ZNF507: variants seen among roughly 807,000 people sequenced by gnomAD.
ZNF507 encodes the protein zinc finger protein 507.
A neutral mutation model predicts 80.0 loss-of-function variants in ZNF507; 29 were observed. The ratio of observed to expected loss-of-function variants is 0.36; its 90% CI spans 0.27 to 0.49. The LOEUF is 0.49. Among genes scored for constraint, ZNF507 ranks in the 20% least tolerant of loss-of-function variants. The pLI, the probability that ZNF507 is intolerant of heterozygous loss-of-function variation, is 0.98. For missense variants in ZNF507, 1,081 were observed against 1,152.2 expected (o/e 0.94, Z 0.90); for synonymous variants, 462 against 422.5 (o/e 1.09, Z -1.15).
chr19:32,371,695 A>G (rs1337886005), intron 5 of ZNF507, among the ~76,000 whole-genome samples: 5 of 144,680 alleles, frequency 3.5e-5, no homozygotes, highest in African/African-American at 5.1e-5. Context: ...GCTGGAGTGC[A>G]GTGGCGTGAT....
intron 5 of ZNF507, among the ~76,000 whole-genome samples, chr19:32,380,319 G>A (rs1479050201): frequency 6.6e-6 from 1 of 151,976 alleles, no homozygotes; most frequent in Non-Finnish European, 1.5e-5. Flanking sequence ...TTCCACCACT[G>A]CACTCAAGCC....
intron 5 of ZNF507, among the ~76,000 whole-genome samples, chr19:32,365,554 A>G (rs924377201): frequency 6.6e-6 from 1 of 152,108 alleles, no homozygotes; most frequent in Non-Finnish European, 1.5e-5. Flanking sequence ...ATTGGCCCCA[A>G]AGTTTTACTG....
chr19:32,378,331 C>T (rs1375426696), intron 5 of ZNF507, among the ~76,000 whole-genome samples: 2 of 151,960 alleles, frequency 1.3e-5, no homozygotes, highest in Admixed American at 6.6e-5. Context: ...CCAGCCTGGG[C>T]GCCAGAGTGA....
At chr19:32,352,396 G>A (rs1333900237) in intron 2 of ZNF507, among the ~76,000 whole-genome samples, 1 of 151,990 alleles carries the variant, frequency 6.6e-6, no homozygotes, top group East Asian at 1.9e-4. Flanking sequence ...TGGCTTTACA[G>A]AGTGATGTTT....
chr19:32,358,262 A>G (rs1967277400), intron 4 of ZNF507: 2 of 152,240 alleles, frequency 1.3e-5, no homozygotes, highest in Non-Finnish European at 2.9e-5. Context: ...TTGTCAGGCC[A>G]AAGAAAAAAT....
rs1260304963 is a variant in ZNF507, at chr19:32,382,978, A to G, written c.2757A>G (p.Glu919=). 2 of 1,614,148 alleles carry G rather than the reference A, an allele frequency of 1.2e-6. No individual in the cohort carries two copies. The highest frequency in any genetic ancestry group is 1.1e-5 in the South Asian group (1 of 91,080). The change falls in exon 7 of 7, where the codon GAA becomes GAG. Residue 919 remains glutamate (E), a synonymous_variant. Coordinates refer to ENST00000355898, the MANE Select transcript of ZNF507 (RefSeq NM_001136156.2). ...LLFCCCICGF[E]STSKENLLDH... is the part of the protein sequence containing the mutation. ...TCTGCTGTTGTATTTGTGGTTTTGA[A>G]TCAACCAGCAAAGAAAACCTCTTGG... is the stretch of plus-strand genomic sequence containing the variant.
In ZNF507 at chr19:32,383,040, TC is replaced by T. The variant is rs1483795007; in HGVS notation, c.2820del (p.Ile941SerfsTer2). On this transcript the variant is annotated frameshift_variant, in exon 7 of 7. Coordinates refer to ENST00000355898, the MANE Select transcript of ZNF507 (RefSeq NM_001136156.2). LOFTEE classifies it high-confidence loss of function. ...GAGCACGAGGGTGAAATTGTAAACA[TC>T]ATCCTGAATAAGGACCACAATACAG... The part of the protein sequence containing the change: ...MKEHEGEIVN[I>X]ILNKDHNTAL... 1.2e-5 allele frequency: 19 copies of T among 1,613,944 alleles called. No homozygotes were observed. The Admixed American group carries it at 2.8e-4, about 24-fold the overall frequency.
chr19:32,352,737 A>G (rs1388377142), intron 2 of ZNF507, 92 bp from the exon 3 acceptor site: 1 of 1,136,580 alleles, frequency 8.8e-7, no homozygotes, highest in Non-Finnish European at 1.2e-6. Context: ...AGATGAGATT[A>G]CAGACACTAA....
chr19:32,348,167 G>A (rs891210573), intron 2 of ZNF507, among the ~76,000 whole-genome samples: 8 of 152,124 alleles, frequency 5.3e-5, no homozygotes, highest in Non-Finnish European at 1.0e-4. Flanking sequence ...AGCTAATTGA[G>A]GGCACTTTAG....
At chr19:32,376,276 T>C (rs1967545591) in intron 5 of ZNF507, among the ~76,000 whole-genome samples, 1 of 152,150 alleles carries the variant, frequency 6.6e-6, no homozygotes, top group African/African-American at 2.4e-5. Flanking sequence ...TTTTTTTTCC[T>C]ATATATTTCT....
In ZNF507 at chr19:32,354,696, T is replaced by C. The variant is rs779233146; in HGVS notation, c.1866T>C (p.Asp622=). 1 of 1,614,176 alleles carries C rather than the reference T, an allele frequency of 6.2e-7. No individual in the cohort carries two copies. Among genetic ancestry groups the C allele is most frequent in the Non-Finnish European group, 8.5e-7 (1 of 1,180,034 alleles). The change falls in exon 3 of 7, where the codon GAT becomes GAC. Residue 622 remains aspartate, a synonymous_variant. Coordinates refer to ENST00000355898, the MANE Select transcript of ZNF507 (RefSeq NM_001136156.2). Reference sequence around the variant, plus strand: ...ACGCCCAGTGCCAACCCAACAGCGATACAAGTTTGTCCGGAAACAATGTGG... The same window carrying C: ...ACGCCCAGTGCCAACCCAACAGCGACACAAGTTTGTCCGGAAACAATGTGG... The part of the protein sequence containing the change: ...QDNAQCQPNS[D]TSLSGNNVVE...
At chr19:32,370,589 C>T (rs1016242998) in intron 5 of ZNF507, among the ~76,000 whole-genome samples, 4 of 152,122 alleles carry the variant, frequency 2.6e-5, no homozygotes, top group African/African-American at 9.7e-5. Context: ...ATTTGTCCTT[C>T]TGCTATTGAG....
chr19:32,348,440 C>A, intron 2 of ZNF507, among the ~76,000 whole-genome samples: 1 of 152,120 alleles, frequency 6.6e-6, no homozygotes. Context: ...AATTGTTCAA[C>A]TTGATTTTAC....
At chr19:32,351,875 C>G (rs1201903277) in intron 2 of ZNF507, among the ~76,000 whole-genome samples, 1 of 152,118 alleles carries the variant, frequency 6.6e-6, no homozygotes, top group Admixed American at 6.5e-5. Flanking sequence ...AATGAAAGTA[C>G]TGCCAGGAAA....
chr19:32,355,294 G>T (rs920568095), intron 3 of ZNF507, among the ~76,000 whole-genome samples: 2 of 152,108 alleles, frequency 1.3e-5, no homozygotes, highest in African/African-American at 4.8e-5. Context: ...ACATACGTTT[G>T]ACTTAAACAA....
At position 32,383,170 on chromosome 19, in the gene ZNF507, A is replaced by G; in HGVS notation, c.*87A>G. 1 of 1,490,904 alleles carries G rather than the reference A, an allele frequency of 6.7e-7. No homozygotes were observed. Among genetic ancestry groups the G allele is most frequent in the Non-Finnish European group, 9.0e-7 (1 of 1,112,572 alleles). 92.4% of individuals were successfully genotyped at this position (1,490,904 alleles called of 1,614,324 possible). A position where few individuals can be genotyped will look rare whatever the true frequency, so the allele number is the denominator to read the frequency against. On this transcript the variant is annotated 3_prime_UTR_variant, in exon 7 of 7. Transcript: ENST00000355898. ...TTACGCTGTCAGACAACTTCCTGCC[A>G]CAGAAGAAGTCGTTGATGTGATTTT...
At chr19:32,368,981 A>C (rs913759413) in intron 5 of ZNF507, among the ~76,000 whole-genome samples, 7 of 152,206 alleles carry the variant, frequency 4.6e-5, no homozygotes, top group Non-Finnish European at 1.0e-4. Flanking sequence ...AGGCCAGGAA[A>C]GTGGGGGGTT....
Position 32,353,230 on chromosome 19 carries a change from T to A in ZNF507, c.400T>A (p.Ser134Thr), listed in dbSNP as rs1031782391. ...TCAGTGTAGCCTTTGTAAGTTTCTA[T>A]CATCATCCTTTTCCGTGTTAAAAGA... ...SYQCSLCKFL[S>T]SSFSVLKDHI... Residue 134 changes from serine to threonine, a missense_variant, in exon 3 of 7, where the codon TCA becomes ACA. Around this residue, in one of 6 missense-constraint regions of ZNF507, gnomAD observed 275 missense variants for 303.9 expected, o/e 0.90. Coordinates refer to ENST00000355898, the MANE Select transcript of ZNF507 (RefSeq NM_001136156.2). 8 of 1,614,224 alleles carry A rather than the reference T, an allele frequency of 5.0e-6. No homozygotes were observed. The highest frequency in any genetic ancestry group is 3.3e-4 in the Middle Eastern group (2 of 6,062).
chr19:32,355,806 C>A (rs1008906882), intron 3 of ZNF507, among the ~76,000 whole-genome samples: 1 of 151,980 alleles, frequency 6.6e-6, no homozygotes, highest in Non-Finnish European at 1.5e-5. Context: ...TTGAGACCAT[C>A]CTGGCTAACA....
Sources: gnomAD v4.1 joint callset for allele counts (sites outside exome capture counted in the v4.1 genomes callset) on GRCh38, gnomAD v4.1.1 for gene constraint, gnomAD v4.1.1 regional missense constraint, MANE v1.5 for transcripts, NCBI Gene and HGNC (gene_info 2026-07-23, HGNC 2026-07-21) for gene names.